The following NPAS2 variants were observed in gnomAD, a reference collection of about 807,000 sequenced individuals.
NPAS2 encodes the protein neuronal PAS domain protein 2.
A neutral mutation model predicts 107.5 loss-of-function variants in NPAS2; 23 were observed. The observed-to-expected ratio is 0.21, with a 90% CI of 0.15 to 0.30. The LOEUF (loss-of-function observed/expected upper bound fraction) is 0.30, where lower values mean the gene tolerates loss of function less well. NPAS2 is among the 10% of genes least tolerant of loss of function. The pLI is 1.00. For missense variants in NPAS2, 756 were observed against 1,043.3 expected (o/e 0.72, Z 3.79); for synonymous variants, 403 against 417.5 (o/e 0.97, Z 0.42).
chr2:100,969,396 C>A (rs1354063468), intron 11 of NPAS2, among the ~76,000 whole-genome samples: 2 of 152,130 alleles, frequency 1.3e-5, no homozygotes, highest in African/African-American at 4.8e-5. Flanking sequence ...ATGTTCCCCT[C>A]CCTGTGTCCA....
At chr2:100,977,354 C>T (rs1677085885) in intron 14 of NPAS2, among the ~76,000 whole-genome samples, 1 of 152,176 alleles carries the variant, frequency 6.6e-6, no homozygotes, top group African/African-American at 2.4e-5. Flanking sequence ...GATGACACCG[C>T]TAAGAATTAA....
intron 10 of NPAS2, among the ~76,000 whole-genome samples, chr2:100,967,917 C>T (rs1035621745): frequency 1.3e-5 from 2 of 152,240 alleles, no homozygotes; most frequent in Admixed American, 6.5e-5. Flanking sequence ...TGGATGCTCT[C>T]TCCTGGGCTC....
At chr2:100,966,483 C>G (rs1272875472) in intron 10 of NPAS2, among the ~76,000 whole-genome samples, 2 of 151,906 alleles carry the variant, frequency 1.3e-5, no homozygotes, top group African/African-American at 2.4e-5. Context: ...TCAGTGCCAA[C>G]TCTTAACTTG....
intron 1 of NPAS2, among the ~76,000 whole-genome samples, chr2:100,854,709 G>A (rs1291111126): frequency 6.6e-6 from 1 of 152,202 alleles, no homozygotes; most frequent in Non-Finnish European, 1.5e-5. Flanking sequence ...TGACAACCTT[G>A]TTAAAACTGT....
At chr2:100,903,268 A>C (rs981848624) in intron 1 of NPAS2, among the ~76,000 whole-genome samples, 2 of 152,218 alleles carry the variant, frequency 1.3e-5, no homozygotes, top group Non-Finnish European at 2.9e-5. Context: ...ATGAATTGAC[A>C]TAAAACTTTG....
intron 1 of NPAS2, among the ~76,000 whole-genome samples, chr2:100,858,492 G>A (rs1678723747): frequency 6.6e-6 from 1 of 152,146 alleles, no homozygotes; most frequent in South Asian, 2.1e-4. Context: ...TTTGCTGTGA[G>A]GGTCTCTGTT....
intron 7 of NPAS2, among the ~76,000 whole-genome samples, chr2:100,952,434 G>C (rs1006198315): frequency 1.3e-5 from 2 of 151,938 alleles, no homozygotes; most frequent in Admixed American, 6.6e-5. Flanking sequence ...CATGATGGCG[G>C]GTGCCTGTAA....
chr2:100,869,128 G>A (rs970099450), intron 1 of NPAS2, among the ~76,000 whole-genome samples: 4 of 151,560 alleles, frequency 2.6e-5, no homozygotes, highest in South Asian at 2.1e-4. Context: ...CAGAGACAGG[G>A]TTTCACCCTG....
intron 7 of NPAS2, among the ~76,000 whole-genome samples, chr2:100,959,363 AC>A (rs1347569387): frequency 2.6e-5 from 4 of 152,162 alleles, no homozygotes; most frequent in African/African-American, 9.7e-5. Context: ...CACAGCTGAA[AC>A]AAAGGAAACA....
chr2:100,857,855 G>C (rs1175816337), intron 1 of NPAS2, among the ~76,000 whole-genome samples: 1 of 152,208 alleles, frequency 6.6e-6, no homozygotes, highest in East Asian at 1.9e-4. Context: ...GTAACACTTG[G>C]TCTCTCTTAT....
At chr2:100,983,775 T>G (rs1375958187) in intron 16 of NPAS2, 1 of 152,238 alleles carries the variant, frequency 6.6e-6, no homozygotes, top group Non-Finnish European at 1.5e-5. Flanking sequence ...AAAAAGTGGC[T>G]TTTGACTTAC....
At chr2:100,910,620 C>T (rs1422689073) in intron 2 of NPAS2, among the ~76,000 whole-genome samples, 4 of 151,896 alleles carry the variant, frequency 2.6e-5, no homozygotes, top group Non-Finnish European at 4.4e-5. Context: ...CCTCTGCCTC[C>T]TGGGTTCAAG....
intron 7 of NPAS2, among the ~76,000 whole-genome samples, chr2:100,958,189 G>A (rs1259326844): frequency 2.6e-5 from 4 of 152,088 alleles, no homozygotes; most frequent in Non-Finnish European, 5.9e-5. Context: ...CCCTGCCCTC[G>A]TTTTACCTAC....
intron 2 of NPAS2, among the ~76,000 whole-genome samples, chr2:100,919,812 A>G (rs942299165): frequency 1.3e-5 from 2 of 151,884 alleles, no homozygotes; most frequent in African/African-American, 4.8e-5. Context: ...GCACCCCTCA[A>G]AGCCACCTCA....
At chr2:100,856,434 C>T (rs1469310667) in intron 1 of NPAS2, among the ~76,000 whole-genome samples, 1 of 152,142 alleles carries the variant, frequency 6.6e-6, no homozygotes, top group Non-Finnish European at 1.5e-5. Context: ...CCTGTGTTAC[C>T]TGCTGGTTGG....
chr2:100,843,144 G>A (rs1032797884), intron 1 of NPAS2, among the ~76,000 whole-genome samples: 1 of 151,914 alleles, frequency 6.6e-6, no homozygotes, highest in Non-Finnish European at 1.5e-5. Flanking sequence ...GCTTGAACCC[G>A]GGAGGCGGAG....
chr2:100,855,066 C>T (rs144170815), intron 1 of NPAS2, among the ~76,000 whole-genome samples: 5 of 152,332 alleles, frequency 3.3e-5, no homozygotes, highest in African/African-American at 1.2e-4. Flanking sequence ...AAATTATACT[C>T]ACCCATATAG....
intron 1 of NPAS2, among the ~76,000 whole-genome samples, chr2:100,887,334 C>T (rs1680759142): frequency 6.6e-6 from 1 of 152,226 alleles, no homozygotes; most frequent in Admixed American, 6.5e-5. Flanking sequence ...GCAGGAACAG[C>T]AGGAACAGAG....
chr2:100,977,784 C>A lies in NPAS2; in HGVS notation c.1467C>A (p.Pro489=), dbSNP rs370083685. The change falls in exon 15 of 21, where the codon CCC becomes CCA. Residue 489 remains proline, a synonymous_variant. Transcript: ENST00000335681. ...LLPQTVLQST[P]APMAQFSAQF... is the part of the protein sequence containing the mutation. ...CTCAGACCGTTCTGCAGAGCACGCC[C>A]GCTCCCATGGCACAGGTGAGTCTGG... 6.2e-7 allele frequency: 1 copy of A among 1,614,058 alleles called. No individual in the cohort carries two copies.
Sources: allele counts gnomAD v4.1 joint callset (sites outside exome capture counted in the v4.1 genomes callset), GRCh38; gene constraint gnomAD v4.1.1; transcripts MANE v1.5; gene names NCBI Gene and HGNC (gene_info 2026-07-23, HGNC 2026-07-21).